CHCHD3: variants seen among roughly 807,000 people sequenced by gnomAD.
CHCHD3 encodes the protein MICOS complex subunit MIC19.
Under a neutral mutation model 38.2 loss-of-function variants are expected in CHCHD3, and 20 were observed. The ratio of observed to expected loss-of-function variants is 0.52; its 90% CI spans 0.37 to 0.76. The LOEUF (loss-of-function observed/expected upper bound fraction) is 0.76. Ranked by LOEUF, CHCHD3 falls within the 30% of genes least tolerant of loss-of-function variation. The probability of loss-of-function intolerance (pLI) is 0.00; values close to 1 mark genes in which losing one functional copy is unlikely to be tolerated. For synonymous variants in CHCHD3, 82 were observed against 100.0 expected (o/e 0.82, Z 1.07); for missense variants, 245 against 279.2 (o/e 0.88, Z 0.87).
chr7:132,833,233 G>A (rs978998373), intron 6 of CHCHD3, among the ~76,000 whole-genome samples: 2 of 152,148 alleles, frequency 1.3e-5, no homozygotes, highest in African/African-American at 4.8e-5. Context: ...TATAAAATGC[G>A]ACATGAAGTG....
intron 3 of CHCHD3, among the ~76,000 whole-genome samples, chr7:133,018,640 A>T (rs1274644616): frequency 6.6e-6 from 1 of 152,208 alleles, no homozygotes; most frequent in Admixed American, 6.5e-5. Flanking sequence ...AATTAAAAGA[A>T]AGATTTTTAA....
chr7:132,949,248 A>AT (rs1810978130), intron 4 of CHCHD3, among the ~76,000 whole-genome samples: 1 of 152,048 alleles, frequency 6.6e-6, no homozygotes, highest in Non-Finnish European at 1.5e-5. Context: ...TTGATGCTGG[A>AT]TATGTATGGG....
chr7:132,951,253 C>A (rs1240593581), intron 4 of CHCHD3, among the ~76,000 whole-genome samples: 1 of 152,146 alleles, frequency 6.6e-6, no homozygotes, highest in South Asian at 2.1e-4. Flanking sequence ...GTCTCCAAAA[C>A]TAGATACTAA....
At position 132,906,874 on chromosome 7, in the gene CHCHD3, G is replaced by T. The variant is rs115737341; in HGVS notation, c.370-21129C>A. ...CAAATAGCTCCTGTAACACTTTGGA[G>T]AACTTTGCAATTTGGTGGGTAGAAT... is the stretch of plus-strand genomic sequence containing the variant. On this transcript the variant is annotated intron_variant, in intron 4 of 7. Coordinates refer to ENST00000262570, the MANE Select transcript of CHCHD3 (RefSeq NM_017812.4). 2.0e-3 allele frequency among the ~76,000 whole-genome samples: 303 copies of T among 152,240 alleles called. 3 individuals are homozygous for T. The highest frequency in any genetic ancestry group is 7.1e-3 in the African/African-American group (296 of 41,540).
chr7:132,912,235 TA>T (rs1384367894), intron 4 of CHCHD3, among the ~76,000 whole-genome samples: 16 of 152,198 alleles, frequency 1.1e-4, no homozygotes, highest in Non-Finnish European at 2.1e-4. Flanking sequence ...ATAACTACCA[TA>T]ATTAGAAAAT....
intron 4 of CHCHD3, among the ~76,000 whole-genome samples, chr7:132,902,304 C>A (rs1809689212): frequency 6.6e-6 from 1 of 152,118 alleles, no homozygotes; most frequent in African/African-American, 2.4e-5. Context: ...TTGACCCAGC[C>A]ATCCCATTAC....
intron 4 of CHCHD3, among the ~76,000 whole-genome samples, chr7:132,971,120 T>G (rs1283113865): frequency 6.6e-6 from 1 of 152,192 alleles, no homozygotes; most frequent in Non-Finnish European, 1.5e-5. Flanking sequence ...CAGCAAATAT[T>G]AGATCACGTA....
At chr7:132,868,550 T>C in intron 5 of CHCHD3, among the ~76,000 whole-genome samples, 1 of 152,180 alleles carries the variant, frequency 6.6e-6, no homozygotes, top group Non-Finnish European at 1.5e-5. Flanking sequence ...GTGATTTTGC[T>C]CTTTGGTGAG....
In CHCHD3 at chr7:132,825,897, C is replaced by T. The variant is rs555534748; in HGVS notation, c.524+12502G>A. On this transcript the variant is annotated intron_variant, in intron 6 of 7. Transcript: ENST00000262570. ...TTGCCAACACACCCCTTTTTCAGAA[C>T]TGATGGCTTCATAGTTGGAGGCCCA... Among the ~76,000 whole-genome samples the T allele has an allele frequency of 1.6e-4, 25 of 152,322 alleles. No homozygotes were observed. The South Asian group carries it at 3.9e-3, about 24-fold the overall frequency.
chr7:132,840,640 G>C (rs565815002), intron 5 of CHCHD3, among the ~76,000 whole-genome samples: 5 of 152,138 alleles, frequency 3.3e-5, no homozygotes, highest in Non-Finnish European at 7.4e-5. Context: ...ATAGGCAAGA[G>C]AGCTGTGAAA....
At chr7:132,990,205 A>G (rs529652069) in intron 3 of CHCHD3, among the ~76,000 whole-genome samples, 7 of 152,268 alleles carry the variant, frequency 4.6e-5, no homozygotes, top group African/African-American at 1.7e-4. Context: ...CCTGTTTTAC[A>G]GAAGTTATGG....
At chr7:132,968,652 T>G (rs544417818) in intron 4 of CHCHD3, among the ~76,000 whole-genome samples, 1 of 152,250 alleles carries the variant, frequency 6.6e-6, no homozygotes, top group African/African-American at 2.4e-5. Context: ...ATTTCTAAAA[T>G]TATCTTTAAA....
chr7:132,894,718 G>A (rs1809450440), intron 4 of CHCHD3, among the ~76,000 whole-genome samples: 1 of 152,216 alleles, frequency 6.6e-6, no homozygotes, highest in African/African-American at 2.4e-5. Flanking sequence ...CTGAGGGCAA[G>A]AGTTTGTACA....
chr7:132,909,832 C>T (rs1809898270), intron 4 of CHCHD3, among the ~76,000 whole-genome samples: 1 of 152,198 alleles, frequency 6.6e-6, no homozygotes, highest in Non-Finnish European at 1.5e-5. Context: ...AACTTCATGG[C>T]ACTTGCAACC....
In CHCHD3 at chr7:132,970,395, C is replaced by G. The variant is rs142439942; in HGVS notation, c.369+4774G>C. On this transcript the variant is annotated intron_variant, in intron 4 of 7. Transcript: ENST00000262570. ...TCAATCAACAAATATGTATTGACTGCTTACTGTTTGCTCAGCACTGGCATA... is the reference window on the plus strand; with the variant it reads ...TCAATCAACAAATATGTATTGACTGGTTACTGTTTGCTCAGCACTGGCATA... 1.9e-3 allele frequency among the ~76,000 whole-genome samples: 283 copies of G among 152,292 alleles called. 8 individuals carry two copies. The East Asian group carries it at 0.037, about 20-fold the overall frequency.
At chr7:132,813,288 G>A (rs188051021) in intron 6 of CHCHD3, 5 of 152,274 alleles carry the variant, frequency 3.3e-5, no homozygotes, top group Admixed American at 2.0e-4. Flanking sequence ...AACTGGAATC[G>A]AGAACCAATT....
intron 1 of CHCHD3, among the ~76,000 whole-genome samples, chr7:133,080,151 G>A (rs751360038): frequency 1.1e-4 from 17 of 152,104 alleles, no homozygotes; most frequent in Non-Finnish European, 1.8e-4. Flanking sequence ...AAGCATAGAG[G>A]TAAAAATGAT....
chr7:132,786,369 A>G (rs1806318477), intron 7 of CHCHD3, among the ~76,000 whole-genome samples: 1 of 152,174 alleles, frequency 6.6e-6, no homozygotes, highest in Non-Finnish European at 1.5e-5. Context: ...GCAGATGTTC[A>G]TGTGCTCATG....
chr7:133,002,093 A>G (rs1812589831), intron 3 of CHCHD3, among the ~76,000 whole-genome samples: 4 of 152,164 alleles, frequency 2.6e-5, no homozygotes, highest in Admixed American at 1.3e-4. Context: ...TAACCCATGA[A>G]GCTGGAATTC....
Sources: gnomAD v4.1 joint callset for allele counts (sites outside exome capture counted in the v4.1 genomes callset) on GRCh38, gnomAD v4.1.1 for gene constraint, MANE v1.5 for transcripts, NCBI Gene and HGNC (gene_info 2026-07-23, HGNC 2026-07-21) for gene names.